Variants in BMP3 observed in about 807,000 individuals in gnomAD.
The protein encoded by BMP3 is bone morphogenetic protein 3, also known as bone morphogenetic protein 3 (osteogenic).
BMP3 carries 23 observed loss-of-function variants against 38.1 expected under a neutral mutation model. That is an observed-to-expected ratio of 0.60 (90% CI 0.43 to 0.86). BMP3 has a LOEUF of 0.86. Among genes scored for constraint, BMP3 ranks in the 40% least tolerant of loss-of-function variants. The probability of loss-of-function intolerance (pLI) is 0.00; values close to 1 mark genes in which losing one functional copy is unlikely to be tolerated. For missense variants in BMP3, 628 were observed against 579.6 expected, an observed-to-expected ratio of 1.08 and a Z score of -0.86; for synonymous variants, 258 against 225.7, an observed-to-expected ratio of 1.14 and a Z score of -1.28.
intron 1 of BMP3, among the ~76,000 whole-genome samples, chr4:81,032,133 A>AATT (rs969115911): frequency 2.2e-5 from 3 of 136,568 alleles, no homozygotes; most frequent in Non-Finnish European, 4.6e-5. Context: ...ACCCGCTCCT[A>AATT]ATTCGCGCCC....
rs190492980 is a variant in BMP3 at position 81,044,993 on chromosome 4, A to G, written c.317-745A>G. 2.4e-3 allele frequency among the ~76,000 whole-genome samples: 371 copies of G among 152,294 alleles called. 2 individuals carry two copies. Among genetic ancestry groups the G allele is most frequent in the African/African-American group, 8.2e-3 (341 of 41,566 alleles). On this transcript the variant is annotated intron_variant, in intron 1 of 2. Transcript: ENST00000282701. ...TGTATACATAGGAGAGCAATTGCGGAATCATAATAATTCTATGTTTAACTT... is the reference window on the plus strand; with the variant it reads ...TGTATACATAGGAGAGCAATTGCGGGATCATAATAATTCTATGTTTAACTT...
Position 81,033,901 on chromosome 4 carries a change from T to C in BMP3, c.316+2301T>C, listed in dbSNP as rs12501187. 5.5e-3 allele frequency among the ~76,000 whole-genome samples: 840 copies of C among 152,332 alleles called. 33 individuals are homozygous for C. The highest frequency in any genetic ancestry group is 0.048 in the Admixed American group (736 of 15,296). On this transcript the variant is annotated intron_variant, in intron 1 of 2. Coordinates refer to ENST00000282701, the MANE Select transcript of BMP3 (RefSeq NM_001201.5). ...TTAAGTTTTAGAACATATGGGTTTC[T>C]CTGTACTGAAGACGTTAGAAATTTT...
chr4:81,053,520 C>T lies in BMP3; in HGVS notation c.1403C>T (p.Ser468Phe). The change falls in exon 3 of 3, where the codon TCT (serine) becomes TTT (phenylalanine). Residue 468 changes from serine to phenylalanine, a missense_variant. Physicochemically the swap from Ser to Phe is radical, Grantham distance 155. Transcript: ENST00000282701. ...LKVYPNMTVE[S>F]CACR ...GTATACCCTAACATGACAGTAGAGT[C>T]TTGCGCTTGCAGATAACCTGGCAAA... The T allele has an allele frequency of 6.6e-7, 1 of 1,516,776 alleles. No individual in the cohort carries two copies. The highest frequency in any genetic ancestry group is 8.8e-7 in the Non-Finnish European group (1 of 1,133,710). The allele number at this position is 1,516,776 out of a possible 1,614,324, so 94.0% of individuals were successfully genotyped here.
intron 2 of BMP3, among the ~76,000 whole-genome samples, chr4:81,049,490 A>T (rs11939234): frequency 6.6e-6 from 1 of 152,178 alleles, no homozygotes; most frequent in Non-Finnish European, 1.5e-5. Context: ...CATAACAGGG[A>T]TAAGTGTGGA....
intron 1 of BMP3, among the ~76,000 whole-genome samples, chr4:81,032,193 G>GAAAAA (rs1739791755): frequency 4.8e-4 from 2 of 4,190 alleles, no homozygotes; most frequent in Non-Finnish European, 9.2e-4. Context: ...TTCCTTAGTG[G>GAAAAA]CAAAAAAAAA....
chr4:81,048,117 G>A (rs1020679961), intron 2 of BMP3, among the ~76,000 whole-genome samples: 2 of 151,966 alleles, frequency 1.3e-5, no homozygotes, highest in African/African-American at 4.8e-5. Context: ...CAAACACAAA[G>A]TACGAATTCT....
Position 81,046,579 on chromosome 4 carries a change from A to G in BMP3, c.1158A>G (p.Glu386=). The part of the protein sequence containing the change: ...KVDFADIGWS[E]WIISPKSFDA... The stretch of plus-strand genomic sequence containing the variant: ...ACTTTGCAGATATTGGCTGGAGTGA[A>G]TGGATTATCTCCCCCAAGTCCTTTG... Residue 386 remains glutamate (E), a synonymous_variant, in exon 2 of 3, where the codon GAA becomes GAG. Transcript: ENST00000282701. 1 of 1,614,088 alleles carries G rather than the reference A, an allele frequency of 6.2e-7. No homozygotes were observed. Among genetic ancestry groups the G allele is most frequent in the Admixed American group, 1.7e-5 (1 of 59,994 alleles).
Position 81,031,608 on chromosome 4 carries a change from C to A in BMP3, c.316+8C>A, listed in dbSNP as rs1043609124. ...TTCGGGCGGCAGCAGCAGGTGAGTGCGCGAGGTGAGACTCCCTTCCCGCGG... is the reference window on the plus strand; with the variant it reads ...TTCGGGCGGCAGCAGCAGGTGAGTGAGCGAGGTGAGACTCCCTTCCCGCGG... On this transcript the variant is annotated splice_region_variant and intron_variant, in intron 1 of 2. Transcript: ENST00000282701. 2 of 1,575,350 alleles carry A rather than the reference C, an allele frequency of 1.3e-6. No individual in the cohort carries two copies. The highest frequency in any genetic ancestry group is 2.3e-5 in the South Asian group (2 of 85,148).
Position 81,030,981 on chromosome 4 carries a change from C to G in BMP3, c.-304C>G. On this transcript the variant is annotated 5_prime_UTR_variant, in exon 1 of 3. Coordinates refer to ENST00000282701, the MANE Select transcript of BMP3 (RefSeq NM_001201.5). ...GGTACAGACAGATCTTGAAAACACC[C>G]GGGCCACACACGCCGCGACCTACAG... is the stretch of plus-strand genomic sequence containing the variant. 1 of 392,340 alleles carries G rather than the reference C, an allele frequency of 2.5e-6. No individual in the cohort carries two copies. The highest frequency in any genetic ancestry group is 4.6e-6 in the Non-Finnish European group (1 of 219,280). The allele number at this position is 392,340 out of a possible 1,614,324, so 24.3% of individuals were successfully genotyped here. A position where few individuals can be genotyped will look rare whatever the true frequency, so the allele number is the denominator to read the frequency against.
intron 1 of BMP3, among the ~76,000 whole-genome samples, chr4:81,032,619 A>T (rs968758147): frequency 2.0e-5 from 3 of 152,280 alleles, no homozygotes; most frequent in African/African-American, 7.2e-5. Context: ...AACAATAGCC[A>T]AGAATCTTCA....
At chr4:81,050,271 A>G (rs1306999427) in intron 2 of BMP3, among the ~76,000 whole-genome samples, 2 of 152,142 alleles carry the variant, frequency 1.3e-5, no homozygotes, top group East Asian at 3.9e-4. Flanking sequence ...AGGCCTGACC[A>G]TTGTAGATTT....
At chr4:81,047,564 T>C (rs375910318) in intron 2 of BMP3, among the ~76,000 whole-genome samples, 1 of 124,422 alleles carries the variant, frequency 8.0e-6, no homozygotes, top group South Asian at 2.7e-4. Flanking sequence ...AAAAAAAAAG[T>C]TGCTGAAGGA....
chr4:81,051,077 A>G (rs1160707439), intron 2 of BMP3, among the ~76,000 whole-genome samples: 1 of 152,048 alleles, frequency 6.6e-6, no homozygotes, highest in Non-Finnish European at 1.5e-5. Flanking sequence ...AAGATACACC[A>G]ATGCAGAATC....
intron 1 of BMP3, among the ~76,000 whole-genome samples, chr4:81,043,144 C>T (rs187809823): frequency 2.4e-4 from 37 of 152,268 alleles, no homozygotes; most frequent in Middle Eastern, 3.4e-3. Context: ...TGATCAAGAA[C>T]ATAATTTCAC....
rs562664543 is a variant in BMP3, at chr4:81,036,506, T to A, written c.316+4906T>A. Among the ~76,000 whole-genome samples the A allele has an allele frequency of 1.0e-3, 152 of 152,154 alleles. 1 individual carries two copies. The highest frequency in any genetic ancestry group is 3.4e-3 in the African/African-American group (140 of 41,570). ...TCCCATATGCTAAATTTGTATATAC[T>A]AATAATCAGTTAGTGTCTTAATGTC... On this transcript the variant is annotated intron_variant, in intron 1 of 2. Coordinates refer to ENST00000282701, the MANE Select transcript of BMP3 (RefSeq NM_001201.5).
At chr4:81,047,446 T>C (rs1740281862) in intron 2 of BMP3, among the ~76,000 whole-genome samples, 5 of 152,038 alleles carry the variant, frequency 3.3e-5, no homozygotes, top group Admixed American at 3.3e-4. Flanking sequence ...ACAGTTTAAG[T>C]AGTACCCTCT....
rs759626787 is a variant in BMP3, at chr4:81,031,260, C to G, written c.-25C>G. The stretch of plus-strand genomic sequence containing the variant: ...AGTGTCCCGCAGCGACGCCGGGAGC[C>G]GACGCGCCGCGCGGGTACCTAGCCA... On this transcript the variant is annotated 5_prime_UTR_variant, in exon 1 of 3. Coordinates refer to ENST00000282701, the MANE Select transcript of BMP3 (RefSeq NM_001201.5). The G allele has an allele frequency of 1.3e-5, 20 of 1,557,398 alleles. No individual in the cohort carries two copies. The highest frequency in any genetic ancestry group is 1.7e-5 in the Non-Finnish European group (20 of 1,151,734).
intron 1 of BMP3, among the ~76,000 whole-genome samples, chr4:81,044,120 G>A (rs771265550): frequency 2.0e-5 from 3 of 152,184 alleles, no homozygotes; most frequent in Admixed American, 2.0e-4. Context: ...GTGGCTGAGC[G>A]AGTACTCGAA....
At chr4:81,041,396 A>G (rs577224997) in intron 1 of BMP3, among the ~76,000 whole-genome samples, 165 of 152,334 alleles carry the variant, frequency 1.1e-3, no homozygotes, top group Middle Eastern at 0.01. Context: ...TATGGGTTAG[A>G]AAAGTCAAAG....
Sources: gnomAD v4.1 joint callset for allele counts (sites outside exome capture counted in the v4.1 genomes callset) on GRCh38, gnomAD v4.1.1 for gene constraint, MANE v1.5 for transcripts, NCBI Gene and HGNC (gene_info 2026-07-23, HGNC 2026-07-21) for gene names.